The following SUPT16H variants were observed in gnomAD, a reference collection of about 807,000 sequenced individuals.
SUPT16H encodes FACT complex subunit SPT16.
In SUPT16H, 24 loss-of-function variants were observed where a neutral mutation model predicts 136.2. That is an observed-to-expected ratio of 0.18 (90% CI 0.13 to 0.25). The LOEUF is 0.25. SUPT16H is among the 10% of genes least tolerant of loss of function. The probability of loss-of-function intolerance (pLI) is 1.00; values close to 1 mark genes in which losing one functional copy is unlikely to be tolerated. For missense variants in SUPT16H, 623 were observed against 1,270.2 expected (o/e 0.49, Z 7.74); for synonymous variants, 415 against 428.2 (o/e 0.97, Z 0.38).
chr14:21,372,724 A>T (rs1437375301), intron 2 of SUPT16H: 2 of 437,984 alleles, frequency 4.6e-6, no homozygotes, highest in Admixed American at 2.8e-5. Flanking sequence ...AAGACTATAC[A>T]TAAGGAAAAG....
intron 1 of SUPT16H, among the ~76,000 whole-genome samples, chr14:21,374,341 C>T (rs562526365): frequency 8.5e-5 from 13 of 152,264 alleles, no homozygotes; most frequent in Admixed American, 5.2e-4. Flanking sequence ...GATGGAGAGA[C>T]GGGAGTTCTT....
chr14:21,373,948 G>C (rs919430626), intron 1 of SUPT16H, among the ~76,000 whole-genome samples: 1 of 152,036 alleles, frequency 6.6e-6, no homozygotes, highest in Non-Finnish European at 1.5e-5. Context: ...GGCTGGTCTC[G>C]AACTCCTAAC....
At chr14:21,365,267 T>C in intron 8 of SUPT16H, 124 bp from the exon 9 acceptor site, 1 of 864,418 alleles carries the variant, frequency 1.2e-6, no homozygotes, top group African/African-American at 1.7e-5. Flanking sequence ...TTACCCCTGC[T>C]GACCGCTCAG....
intron 1 of SUPT16H, among the ~76,000 whole-genome samples, chr14:21,381,688 C>T (rs544448591): frequency 6.6e-6 from 1 of 151,550 alleles, no homozygotes; most frequent in African/African-American, 2.4e-5. Flanking sequence ...CAGCTCACTG[C>T]AGCCTCAAAC....
chr14:21,373,100 C>T (rs538015208), intron 2 of SUPT16H, among the ~76,000 whole-genome samples: 4 of 152,254 alleles, frequency 2.6e-5, no homozygotes, highest in South Asian at 2.1e-4. Context: ...CACACCCCCA[C>T]ATCTGCTTAA....
Position 21,363,417 on chromosome 14 carries a change from A to T in SUPT16H, c.1299+21T>A, listed in dbSNP as rs774063287. ...CTTTATATCCTAAACTTCCTATACTACTTATCTATCTTCTTCCTACCTTTA... is the reference window on the plus strand; with the variant it reads ...CTTTATATCCTAAACTTCCTATACTTCTTATCTATCTTCTTCCTACCTTTA... On this transcript the variant is annotated intron_variant, in intron 11 of 25. Coordinates refer to ENST00000216297, the MANE Select transcript of SUPT16H (RefSeq NM_007192.4). 3 of 1,612,294 alleles carry T rather than the reference A, an allele frequency of 1.9e-6. No homozygotes were observed. In the East Asian group the frequency reaches 6.7e-5, roughly 36 times the overall value.
rs1306290670 is a variant in SUPT16H at position 21,369,230 on chromosome 14, G to C, written c.756C>G (p.Asn252Lys). 16 of 1,614,036 alleles carry C rather than the reference G, an allele frequency of 9.9e-6. No homozygotes were observed. Among genetic ancestry groups the C allele is most frequent in the Non-Finnish European group, 1.4e-5 (16 of 1,179,992 alleles). ...CYPPIIQSGGNYNLKFSVVSD... is the reference protein window; with the variant it reads ...CYPPIIQSGGKYNLKFSVVSD... ...TCACCACACTGAACTTGAGATTATA[G>C]TTGCCACCACTCTGAATGATAGGAG... Residue 252 changes from asparagine to lysine, a missense_variant, in exon 6 of 26, where the codon AAC (asparagine) becomes AAG (lysine). Transcript: ENST00000216297.
At chr14:21,370,589 A>G in intron 3 of SUPT16H, 101 bp from the exon 4 acceptor site, 1 of 1,314,494 alleles carries the variant, frequency 7.6e-7, no homozygotes, top group Non-Finnish European at 1.0e-6. Context: ...TACGGAAAAA[A>G]TTAATTCTCC....
chr14:21,360,327 C>A (rs923158708), intron 18 of SUPT16H, 88 bp downstream of exon 18: 1 of 1,084,142 alleles, frequency 9.2e-7, no homozygotes, highest in Admixed American at 2.2e-5. Flanking sequence ...CGCGCCCAGC[C>A]CTTTCATCAC....
intron 1 of SUPT16H, 102 bp downstream of exon 1, chr14:21,383,760 C>G (rs1462654638): frequency 7.2e-7 from 1 of 1,379,420 alleles, no homozygotes; most frequent in Admixed American, 1.7e-5. Flanking sequence ...GGCACAGAAC[C>G]CGGGAATTCC....
chr14:21,370,521 T>C (rs1433846305), intron 3 of SUPT16H, 33 bp from the exon 4 acceptor site: 13 of 1,609,454 alleles, frequency 8.1e-6, no homozygotes, highest in Admixed American at 6.7e-5. Flanking sequence ...AAGACACATA[T>C]GTTTTACCAG....
At chr14:21,352,932 T>C in intron 25 of SUPT16H, 114 bp from the exon 26 acceptor site, 1 of 1,380,358 alleles carries the variant, frequency 7.2e-7, no homozygotes, top group Non-Finnish European at 1.0e-6. Flanking sequence ...CAAGTTTTAA[T>C]ATTGGGCAAG....
At chr14:21,373,622 C>T (rs926131709) in intron 1 of SUPT16H, among the ~76,000 whole-genome samples, 192 bp from the exon 2 acceptor site, 1 of 152,106 alleles carries the variant, frequency 6.6e-6, no homozygotes, top group African/African-American at 2.4e-5. Context: ...TGATAAATAT[C>T]AAGAGAAATT....
At chr14:21,370,990 T>C (rs891788286) in intron 3 of SUPT16H, among the ~76,000 whole-genome samples, 1 of 152,078 alleles carries the variant, frequency 6.6e-6, no homozygotes, top group African/African-American at 2.4e-5. Context: ...TTGCCCAGGA[T>C]GGTCTTGAAC....
In SUPT16H at chr14:21,354,402, C is replaced by A; in HGVS notation, c.2790+9G>T. ...TGTGTACCAGAAAAGAAACCCCACA[C>A]TCACGCACCTCACCCTCAGGCTCCA... On this transcript the variant is annotated intron_variant, in intron 23 of 25. Coordinates refer to ENST00000216297, the MANE Select transcript of SUPT16H (RefSeq NM_007192.4). 1 of 1,613,590 alleles carries A rather than the reference C, an allele frequency of 6.2e-7. No individual in the cohort carries two copies. Among genetic ancestry groups the A allele is most frequent in the Non-Finnish European group, 8.5e-7 (1 of 1,179,722 alleles).
intron 10 of SUPT16H, 88 bp from the exon 11 acceptor site, chr14:21,363,591 T>A: frequency 3.6e-6 from 4 of 1,107,968 alleles, no homozygotes; most frequent in Non-Finnish European, 5.4e-6. Flanking sequence ...ATGCTTTGAA[T>A]CTTTTGGACA....
In SUPT16H at chr14:21,368,285, C is replaced by T. The variant is rs1184582936; in HGVS notation, c.939G>A (p.Leu313=). The T allele has an allele frequency of 6.2e-7, 1 of 1,612,736 alleles. No homozygotes were observed. Among genetic ancestry groups the T allele is most frequent in the East Asian group, 2.2e-5 (1 of 44,876 alleles). ...NFLLQLQEEL[L]KELRHGVKIC... ...GCACCTCACCATGTCTTAATTCCTT[C>T]AGCAGCTCCTCTTGAAGCTGGAGCA... The change falls in exon 7 of 26, where the codon CTG becomes CTA. Residue 313 remains leucine, a synonymous_variant. Transcript: ENST00000216297.
intron 21 of SUPT16H, among the ~76,000 whole-genome samples, 166 bp from the exon 22 acceptor site, chr14:21,357,532 A>G (rs1197770911): frequency 3.3e-5 from 5 of 152,188 alleles, no homozygotes; most frequent in Non-Finnish European, 7.3e-5. Context: ...AAGCCACAGA[A>G]AAAGGATCTG....
At chr14:21,383,500 A>G in intron 1 of SUPT16H, 1 of 613,710 alleles carries the variant, frequency 1.6e-6, no homozygotes, top group Admixed American at 2.7e-5. Flanking sequence ...GTGGTTCTGG[A>G]GGGACAGAGC....
Sources: allele counts gnomAD v4.1 joint callset (sites outside exome capture counted in the v4.1 genomes callset), GRCh38; gene constraint gnomAD v4.1.1; transcripts MANE v1.5; gene names NCBI Gene and HGNC (gene_info 2026-07-23, HGNC 2026-07-21).